TK2: variants seen among roughly 807,000 people sequenced by gnomAD.
The protein encoded by TK2 is thymidine kinase 2, mitochondrial.
TK2 carries 35 observed loss-of-function variants against 41.9 expected under a neutral mutation model. The ratio of observed to expected loss-of-function variants is 0.84; its 90% CI spans 0.64 to 1.11. The LOEUF is 1.11. Among genes scored for constraint, TK2 ranks in the 50% least tolerant of loss-of-function variants. The pLI, the probability that TK2 is intolerant of heterozygous loss-of-function variation, is 0.00. For synonymous variants in TK2, 128 were observed against 129.1 expected, an observed-to-expected ratio of 0.99 and a Z score of 0.06; for missense variants, 320 against 351.1, an observed-to-expected ratio of 0.91 and a Z score of 0.71.
chr16:66,513,484 T>C (rs182839268), intron 9 of TK2, among the ~76,000 whole-genome samples: 233 of 152,258 alleles, frequency 1.5e-3, no homozygotes, highest in Non-Finnish European at 2.7e-3. Context: ...AGATGCTGGA[T>C]CAGTGACAAC....
chr16:66,540,153 C>A (rs185400115), intron 3 of TK2, among the ~76,000 whole-genome samples: 1 of 147,296 alleles, frequency 6.8e-6, no homozygotes, highest in Non-Finnish European at 1.5e-5. Context: ...ATATATATTT[C>A]TTTTCTTTCT....
intron 6 of TK2, 78 bp downstream of exon 6, chr16:66,528,916 C>T: frequency 7.2e-7 from 1 of 1,391,246 alleles, no homozygotes; most frequent in Non-Finnish European, 1.0e-6. Flanking sequence ...CCATATCTGT[C>T]AATCGAATAA....
chr16:66,549,817 G>C (rs750402529), intron 1 of TK2, 121 bp downstream of exon 1: 1 of 1,287,390 alleles, frequency 7.8e-7, no homozygotes, highest in Non-Finnish European at 9.8e-7. Flanking sequence ...GCCGCAGCCG[G>C]GGAGGAAATC....
chr16:66,534,365 TC>T (rs1290785574), intron 4 of TK2, among the ~76,000 whole-genome samples: 1 of 152,256 alleles, frequency 6.6e-6, no homozygotes, highest in Non-Finnish European at 1.5e-5. Flanking sequence ...CTTTGAGCCC[TC>T]TGTAGTCTGT....
intron 2 of TK2, chr16:66,547,830 C>T: frequency 8.5e-7 from 1 of 1,179,014 alleles, no homozygotes; most frequent in East Asian, 6.0e-5. Context: ...AGCCTGAATG[C>T]AGGCTCCATA....
chr16:66,521,631 G>A (rs1411765525), intron 6 of TK2, among the ~76,000 whole-genome samples: 1 of 152,196 alleles, frequency 6.6e-6, no homozygotes. Context: ...CGAGGGACAT[G>A]GGGCACAGTG....
At chr16:66,541,807 T>C in intron 3 of TK2, 72 bp downstream of exon 3, 1 of 1,497,848 alleles carries the variant, frequency 6.7e-7, no homozygotes, top group Non-Finnish European at 9.3e-7. Context: ...TGGACAAGGT[T>C]AGTCCACACC....
At chr16:66,536,223 A>G (rs1281376952) in intron 4 of TK2, among the ~76,000 whole-genome samples, 1 of 151,264 alleles carries the variant, frequency 6.6e-6, no homozygotes, top group Non-Finnish European at 1.5e-5. Flanking sequence ...AAAAAAAATC[A>G]CAGGGCAGCA....
At chr16:66,549,417 C>T in intron 1 of TK2, 7 of 1,087,750 alleles carry the variant, frequency 6.4e-6, no homozygotes, top group Non-Finnish European at 7.8e-6. Flanking sequence ...GCGGGCATCG[C>T]TGCCCATCCG....
chr16:66,513,620 T>A (rs113253209), intron 9 of TK2, 111 bp downstream of exon 9: 8 of 965,920 alleles, frequency 8.3e-6, no homozygotes, highest in South Asian at 5.5e-5. Context: ...TTCTTCTAAG[T>A]TGTCAAACTC....
chr16:66,517,210 G>C lies in TK2; in HGVS notation c.544C>G (p.Leu182Val). The stretch of plus-strand genomic sequence containing the variant: ...TAACAAGTCTCAGGATTGGTCCGAA[G>C]GTAAACTGAGGTTAAAAGAATACGT... ...MDVSVDLIVY[L>V]RTNPETCYQR... is the part of the protein sequence containing the mutation. The change falls in exon 8 of 10, where the codon CTT (leucine) becomes GTT (valine). Residue 182 changes from leucine to valine, a missense_variant. Physicochemically the swap from Leu to Val is conservative, Grantham distance 32. Transcript: ENST00000544898. This position sits in a 1 kb window ranked among gnomAD's most constrained non-coding sequence, Gnocchi z 4.3. 6.2e-7 allele frequency: 1 copy of C among 1,614,014 alleles called. No individual in the cohort carries two copies. Among genetic ancestry groups the C allele is most frequent in the Non-Finnish European group, 8.5e-7 (1 of 1,179,896 alleles).
chr16:66,540,751 G>A (rs1965433911), intron 3 of TK2, among the ~76,000 whole-genome samples: 1 of 152,194 alleles, frequency 6.6e-6, no homozygotes, highest in African/African-American at 2.4e-5. Context: ...CTCAGACATT[G>A]CTATCTCAGA....
chr16:66,519,697 G>A (rs192501109), intron 6 of TK2, among the ~76,000 whole-genome samples: 74 of 152,326 alleles, frequency 4.9e-4, no homozygotes, highest in Non-Finnish European at 8.5e-4. Flanking sequence ...CACAGGCCTA[G>A]CAGAGGAATT....
At chr16:66,538,720 G>A (rs1017249684) in intron 3 of TK2, among the ~76,000 whole-genome samples, 1 of 152,164 alleles carries the variant, frequency 6.6e-6, no homozygotes, top group African/African-American at 2.4e-5. Context: ...AGCGGCCAGG[G>A]GATCCTCTGT....
At position 66,537,451 on chromosome 16, in the gene TK2, C is replaced by T. The variant is rs1010115962; in HGVS notation, c.232-434G>A. 5.3e-5 allele frequency among the ~76,000 whole-genome samples: 8 copies of T among 152,242 alleles called. No homozygotes were observed. The South Asian group carries it at 1.7e-3, about 32-fold the overall frequency. On this transcript the variant is annotated intron_variant, in intron 3 of 9. Coordinates refer to ENST00000544898, the MANE Select transcript of TK2 (RefSeq NM_004614.5). The stretch of plus-strand genomic sequence containing the variant: ...CTAGGCCTTGGCAGGCCACCTGCCT[C>T]CGTTTCCTGCCTCTGATCACTGCAC...
At chr16:66,537,452 C>T (rs1390522508) in intron 3 of TK2, among the ~76,000 whole-genome samples, 3 of 152,230 alleles carry the variant, frequency 2.0e-5, no homozygotes, top group Non-Finnish European at 2.9e-5. Flanking sequence ...CACCTGCCTC[C>T]GTTTCCTGCC....
rs757631488 is a variant in TK2, at chr16:66,550,100, TG to T, written c.-40del. ...GATCCAGAGGCCCGGGGTTCCTTCTTGTGCGAGTCGGCGCGGACGACTGCTA... is the reference window on the plus strand; with the variant it reads ...GATCCAGAGGCCCGGGGTTCCTTCTTTGCGAGTCGGCGCGGACGACTGCTA... On this transcript the variant is annotated 5_prime_UTR_variant, in exon 1 of 10. Transcript: ENST00000544898. 2 of 1,608,152 alleles carry T rather than the reference TG, an allele frequency of 1.2e-6. No individual in the cohort carries two copies. The highest frequency in any genetic ancestry group is 1.7e-6 in the Non-Finnish European group (2 of 1,178,342).
At position 66,508,308 on chromosome 16, in the gene TK2, T is replaced by C. The variant is rs896994599; in HGVS notation, c.*3660A>G. 1 of 152,218 alleles carries C rather than the reference T, an allele frequency of 6.6e-6. No homozygotes were observed. Among genetic ancestry groups the C allele is most frequent in the African/African-American group, 2.4e-5 (1 of 41,458 alleles). The allele number at this position is 152,218 out of a possible 1,614,324, so 9.4% of individuals were successfully genotyped here. ...TAAACTAAAGGAACACGAAATTCAC[T>C]CTAGCCTTAGGAAAGCTGAGGGGAT... On this transcript the variant is annotated 3_prime_UTR_variant, in exon 10 of 10. Transcript: ENST00000544898.
intron 4 of TK2, among the ~76,000 whole-genome samples, chr16:66,533,858 A>G (rs1003131930): frequency 6.6e-6 from 1 of 151,774 alleles, no homozygotes; most frequent in Admixed American, 6.6e-5. Flanking sequence ...AATACAAAAA[A>G]TTAGCCAGGT....
Sources: allele counts gnomAD v4.1 joint callset (sites outside exome capture counted in the v4.1 genomes callset), GRCh38; gene constraint gnomAD v4.1.1; non-coding constraint Gnocchi (gnomAD v3.1); transcripts MANE v1.5; gene names NCBI Gene and HGNC (gene_info 2026-07-23, HGNC 2026-07-21).